The following TMEM175 variants were observed in gnomAD, a reference collection of about 807,000 sequenced individuals.
TMEM175 encodes the protein endosomal/lysosomal proton channel TMEM175.
TMEM175 carries 36 observed loss-of-function variants against 36.5 expected under a neutral mutation model. The observed-to-expected ratio is 0.99, with a 90% CI of 0.76 to 1.30. The LOEUF (loss-of-function observed/expected upper bound fraction) is 1.30. Ranked by LOEUF, TMEM175 falls within the 50% of genes most tolerant of loss-of-function variation. The pLI, the probability that TMEM175 is intolerant of heterozygous loss-of-function variation, is 0.00. For missense variants in TMEM175, 705 were observed against 692.8 expected (o/e 1.02, Z -0.20); for synonymous variants, 339 against 313.4 (o/e 1.08, Z -0.86).
rs975693194 is a variant in TMEM175 at position 953,202 on chromosome 4, G to A, written c.475G>A (p.Gly159Arg). The A allele has an allele frequency of 1.2e-5, 19 of 1,609,684 alleles. No individual in the cohort carries two copies. The highest frequency in any genetic ancestry group is 1.4e-5 in the Non-Finnish European group (17 of 1,177,432). ...AIGVVQALIV[G>R]YAFHFPHLLS... ...GCTTTTCCCGCAGGCACTGATTGTG[G>A]GGTACGCATTCCACTTCCCGCACCT... is the stretch of plus-strand genomic sequence containing the variant. Residue 159 changes from glycine to arginine, a missense_variant, in exon 8 of 11, where the codon GGG becomes AGG. Coordinates refer to ENST00000264771, the MANE Select transcript of TMEM175 (RefSeq NM_032326.4).
At chr4:945,810 G>A (rs918170284) in intron 1 of TMEM175, among the ~76,000 whole-genome samples, 2 of 152,090 alleles carry the variant, frequency 1.3e-5, no homozygotes, top group Admixed American at 6.5e-5. Context: ...AGAGGTCTCC[G>A]CCCCTTAAAT....
rs749896702 is a variant in TMEM175, at chr4:952,357, G to A, written c.379-10G>A. The A allele has an allele frequency of 2.5e-6, 4 of 1,610,308 alleles. No homozygotes were observed. The highest frequency in any genetic ancestry group is 2.5e-6 in the Non-Finnish European group (3 of 1,179,356). ...TTTGGGGGGGTTTGGTTTTGTTTTT[G>A]TTTTAACAGTTTTCGTTAATGGTGA... On this transcript the variant is annotated splice_polypyrimidine_tract_variant and intron_variant, in intron 6 of 10. Coordinates refer to ENST00000264771, the MANE Select transcript of TMEM175 (RefSeq NM_032326.4).
At chr4:935,597 A>G (rs1726698385) in intron 1 of TMEM175, among the ~76,000 whole-genome samples, 1 of 152,238 alleles carries the variant, frequency 6.6e-6, no homozygotes, top group Non-Finnish European at 1.5e-5. Context: ...TTTCTCAATA[A>G]ACGATAGGAT....
chr4:947,239 GGC>G (rs1491438525), intron 1 of TMEM175, among the ~76,000 whole-genome samples: 4 of 125,634 alleles, frequency 3.2e-5, no homozygotes, highest in South Asian at 5.0e-4. Flanking sequence ...CGTGTGCACG[GGC>G]CCCGAGAGCG....
At position 955,418 on chromosome 4, in the gene TMEM175, T is replaced by C; in HGVS notation, c.641T>C (p.Met214Thr). The C allele has an allele frequency of 1.2e-6, 2 of 1,614,132 alleles. No individual in the cohort carries two copies. Among genetic ancestry groups the C allele is most frequent in the East Asian group, 2.2e-5 (1 of 44,878 alleles). ...GTCTCCCTGCAGTCTTACCTGCTGA[T>C]GGTGACTGTCATCCTCCTCCCCTAT... is the stretch of plus-strand genomic sequence containing the variant. ...LFFVPLSYLL[M>T]VTVILLPYVS... is the part of the protein sequence containing the mutation. Residue 214 changes from methionine (M) to threonine (T), a missense_variant, in exon 9 of 11, where the codon ATG becomes ACG. Met to Thr is a moderately conservative substitution (Grantham distance 81). Coordinates refer to ENST00000264771, the MANE Select transcript of TMEM175 (RefSeq NM_032326.4).
chr4:948,941 T>A (rs1374588383), intron 3 of TMEM175, among the ~76,000 whole-genome samples: 1 of 152,064 alleles, frequency 6.6e-6, no homozygotes. Context: ...AGACTTTACA[T>A]AGGGTTTTCA....
rs1479324461 is a variant in TMEM175 at position 951,952 on chromosome 4, G to A, written c.378+235G>A. On this transcript the variant is annotated intron_variant, in intron 6 of 10. Transcript: ENST00000264771. ...TCACCGGCGCTCCCAGCTCCCACCC[G>A]GCCCTGAGCCCACAGCCCCCTGCCC... is the stretch of plus-strand genomic sequence containing the variant. 1.7e-5 allele frequency: 10 copies of A among 598,102 alleles called. 1 individual carries two copies. Among genetic ancestry groups the A allele is most frequent in the South Asian group, 2.0e-5 (1 of 50,652 alleles). 37.0% of individuals were successfully genotyped at this position (598,102 alleles called of 1,614,324 possible).
rs1727070773 is a variant in TMEM175 at position 938,526 on chromosome 4, G to A, written c.-32+5986G>A. 2.6e-5 allele frequency among the ~76,000 whole-genome samples: 4 copies of A among 151,918 alleles called. No individual in the cohort carries two copies. In the South Asian group the frequency reaches 6.2e-4, roughly 24 times the overall value. Reference sequence around the variant, plus strand: ...CTCCAAAAAAAAGAAAAAAAAATCGGATAGAATCTATAAAAAGAGCTACTC... The same window carrying A: ...CTCCAAAAAAAAGAAAAAAAAATCGAATAGAATCTATAAAAAGAGCTACTC... On this transcript the variant is annotated intron_variant, in intron 1 of 10. Coordinates refer to ENST00000264771, the MANE Select transcript of TMEM175 (RefSeq NM_032326.4).
Position 948,151 on chromosome 4 carries a change from A to T in TMEM175, c.189A>T (p.Glu63Asp). Residue 63 changes from glutamate to aspartate, a missense_variant, in exon 3 of 11, where the codon GAA becomes GAT. Glu to Asp is a conservative substitution (Grantham distance 45, BLOSUM62 2). Transcript: ENST00000264771. The stretch of plus-strand genomic sequence containing the variant: ...TGACCCACACGGAGATCTCCCCAGA[A>T]CAGGTAACGGGGCAGGCTGTGCTCT... The part of the protein sequence containing the change: ...LPVTHTEISP[E>D]QQFDRSVQRL... 1 of 1,614,080 alleles carries T rather than the reference A, an allele frequency of 6.2e-7. No individual in the cohort carries two copies. Among genetic ancestry groups the T allele is most frequent in the South Asian group, 1.1e-5 (1 of 91,086 alleles).
Position 958,542 on chromosome 4 carries a change from G to T in TMEM175, c.*46G>T. 1 of 1,424,948 alleles carries T rather than the reference G, an allele frequency of 7.0e-7. No homozygotes were observed. The highest frequency in any genetic ancestry group is 9.2e-7 in the Non-Finnish European group (1 of 1,081,612). The allele number at this position is 1,424,948 out of a possible 1,614,324, so 88.3% of individuals were successfully genotyped here. On this transcript the variant is annotated 3_prime_UTR_variant, in exon 11 of 11. Transcript: ENST00000264771. ...AGCCGTCCTCACCAGAGATGGACCAGGGAGGACAGGATGCTGGGCAGGGGA... is the reference window on the plus strand; with the variant it reads ...AGCCGTCCTCACCAGAGATGGACCATGGAGGACAGGATGCTGGGCAGGGGA...
In TMEM175 at chr4:957,838, C is replaced by G; in HGVS notation, c.857C>G (p.Pro286Arg). 6.2e-7 allele frequency: 1 copy of G among 1,609,224 alleles called. No homozygotes were observed. Among genetic ancestry groups the G allele is most frequent in the Non-Finnish European group, 8.5e-7 (1 of 1,177,972 alleles). Reference sequence around the variant, plus strand: ...ACTGTTCTCAGCGAAGACAACGTCCCGGACCCCAAGGATGTGAAGGAGAGG... The same window carrying G: ...ACTGTTCTCAGCGAAGACAACGTCCGGGACCCCAAGGATGTGAAGGAGAGG... ...LILDICEDNV[P>R]DPKDVKERFS... Residue 286 changes from proline to arginine, a missense_variant, in exon 11 of 11, where the codon CCG (proline) becomes CGG (arginine). Transcript: ENST00000264771.
chr4:934,289 G>A (rs1726547459), intron 1 of TMEM175, among the ~76,000 whole-genome samples: 1 of 152,260 alleles, frequency 6.6e-6, no homozygotes, highest in Admixed American at 6.5e-5. Flanking sequence ...AATCTTCAGA[G>A]AATAGACAGT....
chr4:952,166 T>C (rs749803439), intron 6 of TMEM175, among the ~76,000 whole-genome samples: 8 of 152,204 alleles, frequency 5.3e-5, no homozygotes, highest in Non-Finnish European at 1.2e-4. Flanking sequence ...TTTAAAGGCC[T>C]GAGACATCTG....
chr4:951,582 G>T, intron 5 of TMEM175, 100 bp from the exon 6 acceptor site: 1 of 1,506,446 alleles, frequency 6.6e-7, no homozygotes, highest in South Asian at 1.2e-5. Flanking sequence ...ACCCTTCTTG[G>T]GGAGGGCCCA....
At chr4:943,543 C>T (rs1220186302) in intron 1 of TMEM175, among the ~76,000 whole-genome samples, 7 of 152,174 alleles carry the variant, frequency 4.6e-5, no homozygotes, top group South Asian at 2.1e-4. Context: ...TGAGCCACCG[C>T]GCCCAGCTAA....
intron 1 of TMEM175, among the ~76,000 whole-genome samples, chr4:941,927 A>C (rs947900050): frequency 6.6e-6 from 1 of 152,010 alleles, no homozygotes; most frequent in Admixed American, 6.5e-5. Flanking sequence ...GTCAAACCCA[A>C]TGTCATGAAA....
At chr4:947,565 A>G in intron 1 of TMEM175, 144 bp from the exon 2 acceptor site, 1 of 650,024 alleles carries the variant, frequency 1.5e-6, no homozygotes, top group Non-Finnish European at 2.6e-6. Flanking sequence ...CTGGGAGAGG[A>G]CAGAGCAGCG....
At chr4:953,081 C>T in intron 7 of TMEM175, 109 bp from the exon 8 acceptor site, 3 of 1,225,676 alleles carry the variant, frequency 2.4e-6, no homozygotes, top group Non-Finnish European at 3.3e-6. Context: ...GCCAGGTCCT[C>T]CCCACCTCGA....
Position 932,590 on chromosome 4 carries a change from G to GT in TMEM175, c.-32+54dup. 5.1e-6 allele frequency: 2 copies of GT among 395,348 alleles called. No homozygotes were observed. The highest frequency in any genetic ancestry group is 8.9e-6 in the Non-Finnish European group (2 of 223,974). The allele number at this position is 395,348 out of a possible 1,614,324, so 24.5% of individuals were successfully genotyped here. A position where few individuals can be genotyped will look rare whatever the true frequency, so the allele number is the denominator to read the frequency against. On this transcript the variant is annotated intron_variant, in intron 1 of 10. Coordinates refer to ENST00000264771, the MANE Select transcript of TMEM175 (RefSeq NM_032326.4). This position sits in a 1 kb window ranked among gnomAD's most constrained non-coding sequence, Gnocchi z 4.0. ...CCCGGTACCGTTCCCCACATGGTCT[G>GT]TTTTGTGGGAGGCTCCTTCTCAGGT...
Sources: allele counts gnomAD v4.1 joint callset (sites outside exome capture counted in the v4.1 genomes callset), GRCh38; gene constraint gnomAD v4.1.1; non-coding constraint Gnocchi (gnomAD v3.1); transcripts MANE v1.5; gene names NCBI Gene and HGNC (gene_info 2026-07-23, HGNC 2026-07-21).